The following MEPCE variants were observed in gnomAD, a reference collection of about 807,000 sequenced individuals.
MEPCE encodes the protein methylphosphate capping enzyme.
Under a neutral mutation model 52.3 loss-of-function variants are expected in MEPCE, and 9 were observed. The ratio of observed to expected loss-of-function variants is 0.17; its 90% CI spans 0.10 to 0.30. MEPCE has a LOEUF of 0.30. Among genes scored for constraint, MEPCE ranks in the 10% least tolerant of loss-of-function variants. The pLI, the probability that MEPCE is intolerant of heterozygous loss-of-function variation, is 1.00. For missense variants in MEPCE, 826 were observed against 933.0 expected (o/e 0.89, Z 1.49); for synonymous variants, 477 against 401.6 (o/e 1.19, Z -2.25).
chr7:100,431,283 A>G lies in MEPCE; in HGVS notation c.1265A>G (p.Tyr422Cys). 1 of 1,614,100 alleles carries G rather than the reference A, an allele frequency of 6.2e-7. No homozygotes were observed. Among genetic ancestry groups the G allele is most frequent in the Non-Finnish European group, 8.5e-7 (1 of 1,180,028 alleles). Residue 422 changes from tyrosine to cysteine, a missense_variant, in exon 1 of 4, where the codon TAT becomes TGT. This residue lies in a region of MEPCE where 307 missense variants were observed against 292.1 expected (regional missense o/e 1.05). Coordinates refer to ENST00000310512, the MANE Select transcript of MEPCE (RefSeq NM_019606.6). ...CAGTATGGGAATTATTGCAAATACT[A>G]TGGGTACCGCAATCCTTCCTGTGAG... is the stretch of plus-strand genomic sequence containing the variant. ...KFQYGNYCKY[Y>C]GYRNPSCEDG...
chr7:100,430,953 C>T lies in MEPCE; in HGVS notation c.935C>T (p.Ala312Val), dbSNP rs1329228587. The T allele has an allele frequency of 1.2e-6, 2 of 1,607,154 alleles. No homozygotes were observed. Among genetic ancestry groups the T allele is most frequent in the South Asian group, 2.2e-5 (2 of 90,362 alleles). Residue 312 changes from alanine to valine, a missense_variant, in exon 1 of 4, where the codon GCC becomes GTC. Transcript: ENST00000310512. ...CGGCACAGGGGCCAGAACCGGGATG[C>T]CCCCCAACCCTATGAACTCAACACA... ...QPRHRGQNRD[A>V]PQPYELNTAI...
chr7:100,430,846 C>T lies in MEPCE; in HGVS notation c.828C>T (p.Ala276=), dbSNP rs939484517. Residue 276 remains alanine (A), a synonymous_variant, in exon 1 of 4, where the codon GCC becomes GCT. Transcript: ENST00000310512. The part of the protein sequence containing the change: ...RGQHHQQQQA[A]GGSESHPVPP... ...AGCACCACCAGCAGCAGCAGGCAGC[C>T]GGAGGGAGTGAGAGTCACCCCGTGC... The T allele has an allele frequency of 5.6e-6, 9 of 1,610,856 alleles. No homozygotes were observed. The African/African-American group carries it at 9.3e-5, about 17-fold the overall frequency.
Position 100,430,230 on chromosome 7 carries a change from G to T in MEPCE, c.212G>T (p.Gly71Val). The T allele has an allele frequency of 7.5e-7, 1 of 1,336,666 alleles. No homozygotes were observed. The highest frequency in any genetic ancestry group is 9.5e-7 in the Non-Finnish European group (1 of 1,048,342). 82.8% of individuals were successfully genotyped at this position (1,336,666 alleles called of 1,614,324 possible). A position where few individuals can be genotyped will look rare whatever the true frequency, so the allele number is the denominator to read the frequency against. Reference protein sequence around the residue: ...PAAAVGRESPGAAATSSSGPQ... With the variant: ...PAAAVGRESPVAAATSSSGPQ... ...GCTGCGGTCGGTCGGGAAAGCCCCG[G>T]GGCCGCGGCCACCTCCTCCAGTGGT... The change falls in exon 1 of 4, where the codon GGG (glycine) becomes GTG (valine). Residue 71 changes from glycine (G) to valine (V), a missense_variant. By Grantham distance (109) the Gly-to-Val change is moderately radical. Transcript: ENST00000310512.
chr7:100,430,293 C>T lies in MEPCE; in HGVS notation c.275C>T (p.Ala92Val). The T allele has an allele frequency of 1.4e-6, 2 of 1,407,744 alleles. No individual in the cohort carries two copies. Among genetic ancestry groups the T allele is most frequent in the Non-Finnish European group, 1.8e-6 (2 of 1,085,058 alleles). 87.2% of individuals were successfully genotyped at this position (1,407,744 alleles called of 1,614,324 possible). ...CAGCACCGAGGGGGCGGCCCCCAGGCGCAGTCGCATGGGGAGGCCCGCCTG... is the reference window on the plus strand; with the variant it reads ...CAGCACCGAGGGGGCGGCCCCCAGGTGCAGTCGCATGGGGAGGCCCGCCTG... ...AQQHRGGGPQ[A>V]QSHGEARLSD... is the part of the protein sequence containing the mutation. Residue 92 changes from alanine to valine, a missense_variant, in exon 1 of 4, where the codon GCG becomes GTG. By Grantham distance (64) the Ala-to-Val change is moderately conservative (BLOSUM62 0). This residue lies in a region of MEPCE where 314 missense variants were observed against 277.7 expected (regional missense o/e 1.13). Transcript: ENST00000310512.
rs1798584638 is a variant in MEPCE, at chr7:100,430,223, A to C, written c.205A>C (p.Ser69Arg). ...CCCAGCCGCTGCGGTCGGTCGGGAA[A>C]GCCCCGGGGCCGCGGCCACCTCCTC... ...GSPAAAVGRESPGAAATSSSG... is the reference protein window; with the variant it reads ...GSPAAAVGRERPGAAATSSSG... Residue 69 changes from serine (S) to arginine (R), a missense_variant, in exon 1 of 4, where the codon AGC becomes CGC. Coordinates refer to ENST00000310512, the MANE Select transcript of MEPCE (RefSeq NM_019606.6). 7.6e-7 allele frequency: 1 copy of C among 1,323,062 alleles called. No homozygotes were observed. The highest frequency in any genetic ancestry group is 1.5e-5 in the African/African-American group (1 of 64,796). 82.0% of individuals were successfully genotyped at this position (1,323,062 alleles called of 1,614,324 possible).
Position 100,432,903 on chromosome 7 carries a change from C to G in MEPCE, c.1672-16C>G, listed in dbSNP as rs116929123. The stretch of plus-strand genomic sequence containing the variant: ...TGATTCCCTCAGTTGACCTCACTGC[C>G]GATTCTTGCCCTCAGGGTAATTATG... On this transcript the variant is annotated splice_polypyrimidine_tract_variant and intron_variant, in intron 1 of 3. Coordinates refer to ENST00000310512, the MANE Select transcript of MEPCE (RefSeq NM_019606.6). The G allele has an allele frequency of 2.5e-6, 4 of 1,611,810 alleles. No homozygotes were observed. The African/African-American group carries it at 5.3e-5, about 22-fold the overall frequency.
At position 100,433,508 on chromosome 7, in the gene MEPCE, A is replaced by G. The variant is rs1427665929; in HGVS notation, c.2024A>G (p.Gln675Arg). 4.3e-6 allele frequency: 7 copies of G among 1,613,866 alleles called. No homozygotes were observed. The highest frequency in any genetic ancestry group is 5.9e-6 in the Non-Finnish European group (7 of 1,180,010). The change falls in exon 4 of 4, where the codon CAG becomes CGG. Residue 675 changes from glutamine to arginine, a missense_variant. Gln to Arg is a conservative substitution (Grantham distance 43). Coordinates refer to ENST00000310512, the MANE Select transcript of MEPCE (RefSeq NM_019606.6). ...TCACTCTCTCTCCCCTCAGGCTTCCAGCGTCCTGTGTACCTGTTCCACAAG... is the reference window on the plus strand; with the variant it reads ...TCACTCTCTCTCCCCTCAGGCTTCCGGCGTCCTGTGTACCTGTTCCACAAG... ...ATPHNTSKGFQRPVYLFHKAR... is the reference protein window; with the variant it reads ...ATPHNTSKGFRRPVYLFHKAR...
chr7:100,430,556 G>C lies in MEPCE; in HGVS notation c.538G>C (p.Val180Leu), dbSNP rs1341721661. ...GCGGGTGAATTCGGACTGTGACTCT[G>C]TGTTACCCTCCAACTTCCTCCTGGG... Reference protein sequence around the residue: ...RRRVNSDCDSVLPSNFLLGGN... With the variant: ...RRRVNSDCDSLLPSNFLLGGN... Residue 180 changes from valine to leucine, a missense_variant, in exon 1 of 4, where the codon GTG becomes CTG. By Grantham distance (32) the Val-to-Leu change is conservative (BLOSUM62 1). Around this residue, in one of 7 missense-constraint regions of MEPCE, gnomAD observed 314 missense variants for 277.7 expected, o/e 1.13. Coordinates refer to ENST00000310512, the MANE Select transcript of MEPCE (RefSeq NM_019606.6). 6.3e-7 allele frequency: 1 copy of C among 1,597,124 alleles called. No homozygotes were observed. Among genetic ancestry groups the C allele is most frequent in the Non-Finnish European group, 8.5e-7 (1 of 1,172,300 alleles).
At position 100,434,060 on chromosome 7, in the gene MEPCE, G is replaced by A. The variant is rs1417749098; in HGVS notation, c.*506G>A. On this transcript the variant is annotated 3_prime_UTR_variant, in exon 4 of 4. Transcript: ENST00000310512. ...TTGCCCTCCCCCAGTGGGAGAGGGG[G>A]TTGGGTTTTCAATGTGAGAACAGCA... The A allele has an allele frequency of 6.3e-6, 1 of 158,592 alleles. No individual in the cohort carries two copies. The highest frequency in any genetic ancestry group is 1.4e-5 in the Non-Finnish European group (1 of 71,670). 9.8% of individuals were successfully genotyped at this position (158,592 alleles called of 1,614,324 possible). A position where few individuals can be genotyped will look rare whatever the true frequency, so the allele number is the denominator to read the frequency against.
chr7:100,433,620 G>A lies in MEPCE; in HGVS notation c.*66G>A, dbSNP rs955801561. On this transcript the variant is annotated 3_prime_UTR_variant, in exon 4 of 4. Coordinates refer to ENST00000310512, the MANE Select transcript of MEPCE (RefSeq NM_019606.6). ...TGCTCATAAGGACCTGGGGGAAGAGGAAAGTGTCCCAAGGTCTTTCCTTTC... is the reference window on the plus strand; with the variant it reads ...TGCTCATAAGGACCTGGGGGAAGAGAAAAGTGTCCCAAGGTCTTTCCTTTC... 4 of 1,488,148 alleles carry A rather than the reference G, an allele frequency of 2.7e-6. No homozygotes were observed. The highest frequency in any genetic ancestry group is 2.8e-6 in the Non-Finnish European group (3 of 1,074,130). 92.2% of individuals were successfully genotyped at this position (1,488,148 alleles called of 1,614,324 possible).
In MEPCE at chr7:100,433,399, GTTTAT is replaced by G. The variant is rs781753479; in HGVS notation, c.2017+14_2017+18del. 30 of 1,614,186 alleles carry G rather than the reference GTTTAT, an allele frequency of 1.9e-5. No homozygotes were observed. Among genetic ancestry groups the G allele is most frequent in the Middle Eastern group, 3.3e-4 (2 of 6,062 alleles). ...CACAACACCTCTAAAGGTAAGGCTG[GTTTAT>G]TTTGTCAGGGAGGCTGGTCCTGGCT... On this transcript the variant is annotated intron_variant, in intron 3 of 3. Transcript: ENST00000310512.
upstream of MEPCE, chr7:100,428,842 G>C (rs918243469): frequency 2.0e-5 from 3 of 152,400 alleles, no homozygotes; most frequent in African/African-American, 7.2e-5. Context: ...GGAGTGGGCG[G>C]ATGCGTTGGG....
chr7:100,431,843 C>T (rs180813631), intron 1 of MEPCE, among the ~76,000 whole-genome samples, 154 bp downstream of exon 1: 1 of 152,310 alleles, frequency 6.6e-6, no homozygotes, highest in Admixed American at 6.5e-5. Context: ...CTCTTATAAC[C>T]TGGAAAGGTG....
In MEPCE at chr7:100,431,504, C is replaced by T. The variant is rs1430244677; in HGVS notation, c.1486C>T (p.Arg496Cys). The change falls in exon 1 of 4, where the codon CGT (arginine) becomes TGT (cysteine). Residue 496 changes from arginine to cysteine, a missense_variant. Coordinates refer to ENST00000310512, the MANE Select transcript of MEPCE (RefSeq NM_019606.6). Reference protein sequence around the residue: ...NIRHYLSEELRLPPQTLEGDP... With the variant: ...NIRHYLSEELCLPPQTLEGDP... ...CCGACACTACCTTTCCGAGGAGCTGCGTCTCCCACCCCAGACTTTGGAAGG... is the reference window on the plus strand; with the variant it reads ...CCGACACTACCTTTCCGAGGAGCTGTGTCTCCCACCCCAGACTTTGGAAGG... 4 of 1,613,374 alleles carry T rather than the reference C, an allele frequency of 2.5e-6. No homozygotes were observed. The highest frequency in any genetic ancestry group is 1.1e-5 in the South Asian group (1 of 91,084).
intron 1 of MEPCE, 68 bp downstream of exon 1, chr7:100,431,757 A>G (rs1798714545): frequency 1.6e-5 from 22 of 1,401,592 alleles, no homozygotes; most frequent in Non-Finnish European, 1.9e-5. Flanking sequence ...GGAATGTAGC[A>G]GGGAAGGTTA....
upstream of MEPCE, chr7:100,428,892 T>G (rs1010323384): frequency 6.6e-6 from 1 of 152,186 alleles, no homozygotes; most frequent in Non-Finnish European, 1.5e-5. Context: ...GAAGGCGTGG[T>G]GTGGCGTCTC....
intron 1 of MEPCE, among the ~76,000 whole-genome samples, 169 bp downstream of exon 1, chr7:100,431,858 G>A (rs976672411): frequency 1.3e-5 from 2 of 152,240 alleles, no homozygotes; most frequent in Non-Finnish European, 2.9e-5. Context: ...AAGGTGGGGT[G>A]TCTACCTTGG....
chr7:100,433,260 T>C lies in MEPCE; in HGVS notation c.1891-3T>C, dbSNP rs771043007. ...TGAAGTGGTCCCTTGCCTCTCTCCT[T>C]AGGAAACGATCTACAAGAACTACTA... On this transcript the variant is annotated splice_polypyrimidine_tract_variant and splice_region_variant and intron_variant, in intron 2 of 3. Transcript: ENST00000310512. 23 of 1,613,992 alleles carry C rather than the reference T, an allele frequency of 1.4e-5. No individual in the cohort carries two copies. The highest frequency in any genetic ancestry group is 2.5e-6 in the Non-Finnish European group (3 of 1,180,032).
In MEPCE at chr7:100,433,818, T is replaced by A; in HGVS notation, c.*264T>A. 2 of 546,872 alleles carry A rather than the reference T, an allele frequency of 3.7e-6. No individual in the cohort carries two copies. Among genetic ancestry groups the A allele is most frequent in the Non-Finnish European group, 6.5e-6 (2 of 308,024 alleles). 33.9% of individuals were successfully genotyped at this position (546,872 alleles called of 1,614,324 possible). A position where few individuals can be genotyped will look rare whatever the true frequency, so the allele number is the denominator to read the frequency against. On this transcript the variant is annotated 3_prime_UTR_variant, in exon 4 of 4. Transcript: ENST00000310512. ...AGGCTGGATGGCATGGACTGTTTGC[T>A]GACCTCTGTTCTCTTAGGGCATGGG...
Sources: allele counts gnomAD v4.1 joint callset (sites outside exome capture counted in the v4.1 genomes callset), GRCh38; gene constraint gnomAD v4.1.1; regional missense constraint gnomAD v4.1.1; transcripts MANE v1.5; gene names NCBI Gene and HGNC (gene_info 2026-07-23, HGNC 2026-07-21).